PRRG1: variants seen among roughly 807,000 people sequenced by gnomAD.
PRRG1 encodes proline rich and Gla domain 1.
A neutral mutation model predicts 11.8 loss-of-function variants in PRRG1; 5 were observed. The ratio of observed to expected loss-of-function variants is 0.42; its 90% CI spans 0.22 to 0.89. The LOEUF (loss-of-function observed/expected upper bound fraction) is 0.89, where lower values mean the gene tolerates loss of function less well. PRRG1 is among the 40% of genes least tolerant of loss of function. The probability of loss-of-function intolerance (pLI) is 0.28; values close to 1 mark genes in which losing one functional copy is unlikely to be tolerated. For synonymous variants in PRRG1, 66 were observed against 60.4 expected (o/e 1.09, Z -0.43); for missense variants, 155 against 166.1 (o/e 0.93, Z 0.37).
intron 1 of PRRG1, among the ~76,000 whole-genome samples, chrX:37,405,443 G>T (rs1167458257): frequency 9.0e-6 from 1 of 111,392 alleles, no homozygotes; most frequent in African/African-American, 3.3e-5. Flanking sequence ...GTTTCATATT[G>T]GGAACATGAC....
chrX:37,438,105 G>A (rs943925116), intron 3 of PRRG1, among the ~76,000 whole-genome samples: 3 of 110,563 alleles, frequency 2.7e-5, no homozygotes, highest in Non-Finnish European at 3.8e-5. Flanking sequence ...CCAGCTACTC[G>A]AGAGGGGGAA....
At chrX:37,397,868 T>TGTC (rs1931770877) in intron 1 of PRRG1, among the ~76,000 whole-genome samples, 1 of 110,269 alleles carries the variant, frequency 9.1e-6, no homozygotes, top group African/African-American at 3.3e-5. Context: ...TTGTTGTTAT[T>TGTC]GTTTTTAAGT....
intron 3 of PRRG1, among the ~76,000 whole-genome samples, chrX:37,442,948 A>C (rs1933012246): frequency 2.7e-5 from 3 of 112,417 alleles, no homozygotes; most frequent in African/African-American, 9.7e-5. Context: ...GAAAAATATA[A>C]GGTCAAAGTT....
chrX:37,417,356 G>A (rs1932526221), intron 2 of PRRG1, among the ~76,000 whole-genome samples: 1 of 110,972 alleles, frequency 9.0e-6, no homozygotes, highest in South Asian at 3.7e-4. Context: ...ATGGGTTTCA[G>A]TTCCCTCATT....
At chrX:37,402,087 T>A (rs1404693891) in intron 1 of PRRG1, among the ~76,000 whole-genome samples, 2 of 111,301 alleles carry the variant, frequency 1.8e-5, no homozygotes, top group African/African-American at 6.6e-5. Flanking sequence ...TTCAATGCCA[T>A]CCCCATCAAG....
At chrX:37,369,604 C>T (rs1930694331) in intron 1 of PRRG1, among the ~76,000 whole-genome samples, 2 of 111,697 alleles carry the variant, frequency 1.8e-5, no homozygotes, top group African/African-American at 3.3e-5. Context: ...AATTTTGTAT[C>T]ATGTGACCAA....
intron 3 of PRRG1, among the ~76,000 whole-genome samples, chrX:37,434,427 T>A (rs1469300153): frequency 8.9e-6 from 1 of 111,994 alleles, no homozygotes; most frequent in Non-Finnish European, 1.9e-5. Flanking sequence ...ACAGCAGACA[T>A]ATGCACAAAG....
chrX:37,424,212 T>C (rs1556387796), intron 2 of PRRG1, among the ~76,000 whole-genome samples: 1 of 111,829 alleles, frequency 8.9e-6, no homozygotes. Context: ...TCTTTAAATT[T>C]GTTAACCCTA....
intron 1 of PRRG1, among the ~76,000 whole-genome samples, chrX:37,367,889 A>G (rs1248214963): frequency 1.8e-5 from 2 of 112,667 alleles, no homozygotes; most frequent in African/African-American, 3.2e-5. Context: ...CCCAATGCAT[A>G]TCTTTTTCCT....
At chrX:37,451,978 CTCT>C (rs1353516151) in intron 3 of PRRG1, among the ~76,000 whole-genome samples, 16 of 111,889 alleles carry the variant, frequency 1.4e-4, no homozygotes, top group African/African-American at 4.5e-4. Context: ...CTCTCCCCAG[CTCT>C]TCTTTTTCCA....
chrX:37,393,474 G>A (rs1389147325), intron 1 of PRRG1, among the ~76,000 whole-genome samples: 1 of 111,065 alleles, frequency 9.0e-6, no homozygotes, highest in Admixed American at 9.6e-5. Flanking sequence ...AATAATTGAA[G>A]AATTAAGCAA....
chrX:37,432,310 TCTC>T (rs201057289), intron 3 of PRRG1, among the ~76,000 whole-genome samples: 27,907 of 109,943 alleles, frequency 0.25, 5,969 homozygotes, highest in African/African-American at 0.71. Context: ...ATGGTCTCGA[TCTC>T]CTGACCTCAT....
intron 1 of PRRG1, among the ~76,000 whole-genome samples, chrX:37,366,415 T>A (rs781856670): frequency 2.7e-5 from 3 of 112,454 alleles, no homozygotes; most frequent in Non-Finnish European, 3.8e-5. Context: ...AGATGGCTCT[T>A]CAACAGCACC....
intron 3 of PRRG1, among the ~76,000 whole-genome samples, chrX:37,435,523 G>A (rs5963520): frequency 0.27 from 30,071 of 109,553 alleles, 6,876 homozygotes; most frequent in African/African-American, 0.76. Context: ...GGGTAACTTT[G>A]CAATGGAGAA....
chrX:37,416,511 A>G (rs912936020), intron 2 of PRRG1, among the ~76,000 whole-genome samples: 3 of 112,116 alleles, frequency 2.7e-5, no homozygotes, highest in Non-Finnish European at 5.6e-5. Context: ...AAAGGAAATC[A>G]TACGGTTGTA....
chrX:37,390,893 G>C (rs1931503145), intron 1 of PRRG1, among the ~76,000 whole-genome samples: 1 of 112,150 alleles, frequency 8.9e-6, no homozygotes, highest in Admixed American at 9.4e-5. Context: ...CTTAAGGTAG[G>C]GAGGTCATCA....
At chrX:37,402,677 A>G (rs1381824361) in intron 1 of PRRG1, among the ~76,000 whole-genome samples, 1 of 111,946 alleles carries the variant, frequency 8.9e-6, no homozygotes, top group African/African-American at 3.2e-5. Context: ...AACAGAAACT[A>G]CCATCAGAGT....
At chrX:37,383,208 A>G (rs1027283749) in intron 1 of PRRG1, among the ~76,000 whole-genome samples, 3 of 111,916 alleles carry the variant, frequency 2.7e-5, no homozygotes, top group Admixed American at 9.4e-5. Context: ...ACCCACACTC[A>G]TGCTTTTATG....
At chrX:37,374,054 T>C (rs1930856168) in intron 1 of PRRG1, among the ~76,000 whole-genome samples, 2 of 112,192 alleles carry the variant, frequency 1.8e-5, no homozygotes, top group Admixed American at 1.9e-4. Context: ...TATCATTCTG[T>C]TAATGTAGTG....
Sources: allele counts gnomAD v4.1 joint callset (sites outside exome capture counted in the v4.1 genomes callset), GRCh38; gene constraint gnomAD v4.1.1; transcripts MANE v1.5; gene names NCBI Gene and HGNC (gene_info 2026-07-23, HGNC 2026-07-21).